Variants in ZEB1 observed in about 807,000 individuals in gnomAD.
ZEB1 encodes zinc finger E-box-binding homeobox 1.
Under a neutral mutation model 84.9 loss-of-function variants are expected in ZEB1, and 21 were observed. The observed-to-expected ratio is 0.25, with a 90% CI of 0.18 to 0.36. The LOEUF (loss-of-function observed/expected upper bound fraction) is 0.36. Ranked by LOEUF, ZEB1 falls within the 10% of genes least tolerant of loss-of-function variation. The probability of loss-of-function intolerance (pLI) is 1.00; values close to 1 mark genes in which losing one functional copy is unlikely to be tolerated. For synonymous variants in ZEB1, 420 were observed against 471.1 expected (o/e 0.89, Z 1.41); for missense variants, 1,104 against 1,330.2 (o/e 0.83, Z 2.65).
intron 1 of ZEB1, among the ~76,000 whole-genome samples, chr10:31,399,619 C>A (rs1244423215): frequency 6.6e-6 from 1 of 152,102 alleles, no homozygotes; most frequent in Non-Finnish European, 1.5e-5. Flanking sequence ...AATTGGTCTT[C>A]CTGTTTTTTC....
intron 1 of ZEB1, among the ~76,000 whole-genome samples, chr10:31,376,607 C>T (rs959124435): frequency 6.6e-6 from 1 of 151,734 alleles, no homozygotes; most frequent in African/African-American, 2.4e-5. Context: ...CAGAGTCATA[C>T]TGGTTGGGTG....
intron 5 of ZEB1, among the ~76,000 whole-genome samples, chr10:31,514,260 G>A (rs1328233295): frequency 6.6e-6 from 1 of 152,062 alleles, no homozygotes. Flanking sequence ...TTAACCTCTA[G>A]TTCCTAGCAA....
chr10:31,526,810 C>T lies in ZEB1; in HGVS notation c.2924C>T (p.Ser975Phe). Reference protein sequence around the residue: ...KCGKRFSHSGSYSQHMNHRYS... With the variant: ...KCGKRFSHSGFYSQHMNHRYS... ...GGAAAGCGCTTCTCACACTCTGGGTCTTATTCTCAACACATGAATCATCGC... is the reference window on the plus strand; with the variant it reads ...GGAAAGCGCTTCTCACACTCTGGGTTTTATTCTCAACACATGAATCATCGC... The change falls in exon 9 of 9, where the codon TCT becomes TTT. Residue 975 changes from serine (S) to phenylalanine (F), a missense_variant. Ser to Phe is a radical substitution (Grantham distance 155). Coordinates refer to ENST00000424869, the MANE Select transcript of ZEB1 (RefSeq NM_001174096.2). 6.2e-7 allele frequency: 1 copy of T among 1,614,148 alleles called. No individual in the cohort carries two copies. The highest frequency in any genetic ancestry group is 8.5e-7 in the Non-Finnish European group (1 of 1,180,026).
chr10:31,499,987 A>G (rs559927973), intron 3 of ZEB1, among the ~76,000 whole-genome samples: 1 of 152,234 alleles, frequency 6.6e-6, no homozygotes, highest in South Asian at 2.1e-4. Context: ...TAAAATACAG[A>G]TCATGCAGTT....
chr10:31,458,673 G>C (rs1214799437), intron 1 of ZEB1, among the ~76,000 whole-genome samples: 1 of 151,936 alleles, frequency 6.6e-6, no homozygotes, highest in African/African-American at 2.4e-5. Context: ...TACTTCATAA[G>C]TCTTCCCTTT....
chr10:31,475,981 A>T (rs930660457), intron 2 of ZEB1, among the ~76,000 whole-genome samples: 1 of 152,110 alleles, frequency 6.6e-6, no homozygotes, highest in Non-Finnish European at 1.5e-5. Context: ...CATTTAAAAA[A>T]TAAACACTAG....
chr10:31,478,928 G>A (rs779117024), intron 2 of ZEB1, among the ~76,000 whole-genome samples: 1 of 151,818 alleles, frequency 6.6e-6, no homozygotes, highest in Non-Finnish European at 1.5e-5. Flanking sequence ...GGTACAGCTT[G>A]TTCACTGTTT....
In ZEB1 at chr10:31,331,773, A is replaced by G. The variant is rs979797179; in HGVS notation, c.58+12481A>G. ...GCAAAGGCATAACACACATGCACAC[A>G]CATATTGTGGGACTCAAGTCACGTT... On this transcript the variant is annotated intron_variant, in intron 1 of 8. Transcript: ENST00000424869. Among the ~76,000 whole-genome samples the G allele has an allele frequency of 3.3e-5, 5 of 152,338 alleles. No individual in the cohort carries two copies. In the South Asian group the frequency reaches 6.2e-4, roughly 19 times the overall value.
intron 1 of ZEB1, among the ~76,000 whole-genome samples, chr10:31,333,160 A>T (rs534207947): frequency 6.6e-6 from 1 of 152,310 alleles, no homozygotes; most frequent in South Asian, 2.1e-4. Flanking sequence ...CTTTGACAGT[A>T]TATTAAGCAT....
rs563669995 is a variant in ZEB1 at position 31,395,819 on chromosome 10, A to G, written c.59-65218A>G. Reference sequence around the variant, plus strand: ...AATAATTCTAGCACTGAATGAAACAAATGCCTGAGACCTACTGGAACATTA... The same window carrying G: ...AATAATTCTAGCACTGAATGAAACAGATGCCTGAGACCTACTGGAACATTA... On this transcript the variant is annotated intron_variant, in intron 1 of 8. Coordinates refer to ENST00000424869, the MANE Select transcript of ZEB1 (RefSeq NM_001174096.2). 8.5e-5 allele frequency among the ~76,000 whole-genome samples: 13 copies of G among 152,336 alleles called. No homozygotes were observed. The South Asian group carries it at 2.5e-3, about 29-fold the overall frequency.
Position 31,489,155 on chromosome 10 carries a change from G to A in ZEB1, c.260-6621G>A, listed in dbSNP as rs114884994. 6.7e-3 allele frequency among the ~76,000 whole-genome samples: 1,017 copies of A among 151,242 alleles called. 12 individuals carry two copies. The highest frequency in any genetic ancestry group is 0.023 in the African/African-American group (933 of 41,410). On this transcript the variant is annotated intron_variant, in intron 2 of 8. Coordinates refer to ENST00000424869, the MANE Select transcript of ZEB1 (RefSeq NM_001174096.2). ...TTATTTTAAAGCTCTGTTGTTAAAG[G>A]CATACACATTTAAGATCTCTCTGTT... is the stretch of plus-strand genomic sequence containing the variant.
intron 1 of ZEB1, among the ~76,000 whole-genome samples, chr10:31,353,206 C>A (rs1011382209): frequency 6.6e-6 from 1 of 152,190 alleles, no homozygotes; most frequent in Non-Finnish European, 1.5e-5. Flanking sequence ...TTACTCCCAT[C>A]CTGTTTCTTT....
intron 2 of ZEB1, among the ~76,000 whole-genome samples, chr10:31,492,562 G>A (rs2066684679): frequency 1.3e-5 from 2 of 151,818 alleles, no homozygotes; most frequent in Admixed American, 6.6e-5. Context: ...GTGTGAATGT[G>A]TGTCAAAGAG....
At chr10:31,436,815 A>G (rs769830562) in intron 1 of ZEB1, among the ~76,000 whole-genome samples, 1 of 152,114 alleles carries the variant, frequency 6.6e-6, no homozygotes, top group Non-Finnish European at 1.5e-5. Flanking sequence ...CTTCATTTTT[A>G]TATATGGTAT....
At chr10:31,416,783 C>A (rs570551868) in intron 1 of ZEB1, among the ~76,000 whole-genome samples, 40 of 152,152 alleles carry the variant, frequency 2.6e-4, no homozygotes, top group African/African-American at 8.7e-4. Context: ...ACATATTTAC[C>A]AAATTAAACG....
At chr10:31,463,683 C>T (rs2062056924) in intron 2 of ZEB1, among the ~76,000 whole-genome samples, 1 of 152,282 alleles carries the variant, frequency 6.6e-6, no homozygotes, top group East Asian at 1.9e-4. Context: ...GAAGTAGTAA[C>T]CACAAGCTGT....
intron 1 of ZEB1, among the ~76,000 whole-genome samples, chr10:31,354,031 T>A (rs982700489): frequency 6.6e-6 from 1 of 152,196 alleles, no homozygotes; most frequent in Non-Finnish European, 1.5e-5. Context: ...GATATTAGAA[T>A]TAGTTTCTCA....
At chr10:31,397,626 A>G (rs540260430) in intron 1 of ZEB1, among the ~76,000 whole-genome samples, 9 of 152,326 alleles carry the variant, frequency 5.9e-5, no homozygotes, top group South Asian at 2.1e-4. Context: ...AACAAATTAT[A>G]TATAGCCCAT....
intron 1 of ZEB1, among the ~76,000 whole-genome samples, chr10:31,443,224 A>T (rs1452545094): frequency 6.6e-6 from 1 of 152,158 alleles, no homozygotes; most frequent in Non-Finnish European, 1.5e-5. Context: ...GGTTCATCTT[A>T]TGAGTGTTTA....
Sources: allele counts gnomAD v4.1 joint callset (sites outside exome capture counted in the v4.1 genomes callset), GRCh38; gene constraint gnomAD v4.1.1; transcripts MANE v1.5; gene names NCBI Gene and HGNC (gene_info 2026-07-23, HGNC 2026-07-21).